The following EHBP1 variants were observed in gnomAD, a reference collection of about 807,000 sequenced individuals.
The protein encoded by EHBP1 is EH domain binding protein 1.
Under a neutral mutation model 144.0 loss-of-function variants are expected in EHBP1, and 55 were observed. The ratio of observed to expected loss-of-function variants is 0.38; its 90% confidence interval spans 0.31 to 0.48. The LOEUF is 0.48. Among genes scored for constraint, EHBP1 ranks in the 20% least tolerant of loss-of-function variants. The pLI is 0.98. For missense variants in EHBP1, 1,200 were observed against 1,364.2 expected (o/e 0.88, Z 1.90); for synonymous variants, 469 against 472.7 (o/e 0.99, Z 0.10).
intron 8 of EHBP1, among the ~76,000 whole-genome samples, chr2:62,862,160 A>G (rs2049613874): frequency 6.6e-6 from 1 of 152,174 alleles, no homozygotes. Flanking sequence ...GTATTGATTT[A>G]TTATGATTTT....
At chr2:62,847,455 C>T (rs1378617828) in intron 7 of EHBP1, among the ~76,000 whole-genome samples, 2 of 152,068 alleles carry the variant, frequency 1.3e-5, no homozygotes, top group Non-Finnish European at 2.9e-5. Flanking sequence ...AGGGTTTTAA[C>T]AGATGACACA....
rs1407170018 is a variant in EHBP1 at position 62,925,298 on chromosome 2, G to C, written c.1186-17420G>C. Reference sequence around the variant, plus strand: ...TTCTGTCAGAAGTGGAACAAGACAAGAGTGTCTACTCTTACCACTTCTATT... The same window carrying C: ...TTCTGTCAGAAGTGGAACAAGACAACAGTGTCTACTCTTACCACTTCTATT... On this transcript the variant is annotated intron_variant, in intron 10 of 22. Transcript: ENST00000431489. Among the ~76,000 whole-genome samples, 4 of 151,850 alleles carry C rather than the reference G, an allele frequency of 2.6e-5. No individual in the cohort carries two copies. The South Asian group carries it at 6.2e-4, about 24-fold the overall frequency.
chr2:62,712,370 G>C (rs1219793647), intron 2 of EHBP1, among the ~76,000 whole-genome samples: 1 of 152,002 alleles, frequency 6.6e-6, no homozygotes, highest in Non-Finnish European at 1.5e-5. Flanking sequence ...GAGGAGATGA[G>C]GTATGAAGTT....
intron 10 of EHBP1, among the ~76,000 whole-genome samples, chr2:62,918,410 A>G (rs1174476187): frequency 6.6e-6 from 1 of 152,150 alleles, no homozygotes; most frequent in Non-Finnish European, 1.5e-5. Flanking sequence ...GCAGATAATC[A>G]TACAGTATCC....
Position 62,682,026 on chromosome 2 carries a change from G to A in EHBP1, c.-296+7943G>A, listed in dbSNP as rs140244894. Among the ~76,000 whole-genome samples, 5 of 152,284 alleles carry A rather than the reference G, an allele frequency of 3.3e-5. No individual in the cohort carries two copies. In the East Asian group the frequency reaches 7.7e-4, roughly 24 times the overall value. On this transcript the variant is annotated intron_variant, in intron 1 of 22. Transcript: ENST00000405015. The stretch of plus-strand genomic sequence containing the variant: ...TGGTGCTCTAAAGTTAGAGGAGAGA[G>A]GCTGTGGCTCAGCACAAGGGAATAC...
intron 8 of EHBP1, among the ~76,000 whole-genome samples, chr2:62,863,840 G>GTTTTTTTTT (rs70962797): frequency 3.6e-5 from 3 of 82,762 alleles, no homozygotes; most frequent in Non-Finnish European, 6.4e-5. Flanking sequence ...TTTCTGTGTT[G>GTTTTTTTTT]TTTTTTTTTT....
intron 5 of EHBP1, among the ~76,000 whole-genome samples, chr2:62,817,678 G>C (rs1241034517): frequency 6.6e-6 from 1 of 152,158 alleles, no homozygotes; most frequent in Non-Finnish European, 1.5e-5. Context: ...AGCAAGATTA[G>C]TTTAAAGGGT....
chr2:62,890,415 T>C (rs2052363033), intron 10 of EHBP1, among the ~76,000 whole-genome samples: 1 of 152,218 alleles, frequency 6.6e-6, no homozygotes, highest in South Asian at 2.1e-4. Context: ...CTGATTTCTT[T>C]GAGCAATGTT....
At chr2:62,956,552 T>C (rs1392573216) in intron 14 of EHBP1, among the ~76,000 whole-genome samples, 2 of 152,034 alleles carry the variant, frequency 1.3e-5, no homozygotes, top group African/African-American at 4.8e-5. Context: ...TATTCCTGCA[T>C]TAAAAACCAC....
chr2:62,686,806 A>C (rs540291409), intron 1 of EHBP1, among the ~76,000 whole-genome samples: 1 of 152,392 alleles, frequency 6.6e-6, no homozygotes, highest in South Asian at 2.1e-4. Flanking sequence ...CAGCTGTATT[A>C]ACAGTGCAGT....
intron 19 of EHBP1, among the ~76,000 whole-genome samples, chr2:63,024,129 A>T (rs1182084065): frequency 1.3e-5 from 2 of 152,104 alleles, no homozygotes; most frequent in African/African-American, 4.8e-5. Flanking sequence ...GCGGATCATG[A>T]GGTCAGGAGT....
intron 1 of EHBP1, among the ~76,000 whole-genome samples, chr2:62,685,754 G>C (rs2033696981): frequency 6.6e-6 from 1 of 152,132 alleles, no homozygotes; most frequent in Admixed American, 6.5e-5. Flanking sequence ...TAGAATGCTA[G>C]AGCTAAATAT....
At chr2:62,883,590 A>G (rs929470869) in intron 10 of EHBP1, among the ~76,000 whole-genome samples, 11 of 152,326 alleles carry the variant, frequency 7.2e-5, no homozygotes, top group East Asian at 1.9e-4. Context: ...CTAGCCGTCT[A>G]TAGTCCCAGC....
intron 10 of EHBP1, among the ~76,000 whole-genome samples, chr2:62,875,787 C>T (rs562184387): frequency 1.1e-4 from 16 of 152,176 alleles, no homozygotes; most frequent in Admixed American, 6.5e-4. Flanking sequence ...TATGAAAGAA[C>T]CAAAATTATC....
chr2:62,842,696 T>C lies in EHBP1; in HGVS notation c.634+11538T>C. 1.3e-5 allele frequency among the ~76,000 whole-genome samples: 2 copies of C among 152,224 alleles called. 1 individual carries two copies. Among genetic ancestry groups the C allele is most frequent in the East Asian group, 3.8e-4 (2 of 5,198 alleles). ...ACTGAGTTTTTATAATTCCAGTGGG[T>C]TATTAATTGGATCTTTTTAGTTAGA... On this transcript the variant is annotated intron_variant, in intron 7 of 22. Transcript: ENST00000431489.
chr2:62,858,047 A>G (rs1171301826), intron 7 of EHBP1, among the ~76,000 whole-genome samples: 7 of 152,166 alleles, frequency 4.6e-5, no homozygotes, highest in African/African-American at 1.7e-4. Flanking sequence ...ATCAGAGTAT[A>G]TATATTTTGT....
At chr2:62,990,040 T>G (rs773879160) in intron 15 of EHBP1, among the ~76,000 whole-genome samples, 1 of 152,008 alleles carries the variant, frequency 6.6e-6, no homozygotes, top group Non-Finnish European at 1.5e-5. Flanking sequence ...TATTGAGGAG[T>G]TGCCTTTTAT....
intron 7 of EHBP1, among the ~76,000 whole-genome samples, chr2:62,858,215 TA>T (rs2049225880): frequency 2.6e-5 from 4 of 152,230 alleles, no homozygotes; most frequent in Admixed American, 2.6e-4. Context: ...CTTTCTATTT[TA>T]AAATATGAGT....
At chr2:62,838,708 A>G (rs1403839631) in intron 7 of EHBP1, among the ~76,000 whole-genome samples, 1 of 151,772 alleles carries the variant, frequency 6.6e-6, no homozygotes, top group African/African-American at 2.4e-5. Context: ...GAATACTACA[A>G]ACACCTCTAT....
Sources: gnomAD v4.1 joint callset for allele counts (sites outside exome capture counted in the v4.1 genomes callset) on GRCh38, gnomAD v4.1.1 for gene constraint, MANE v1.5 for transcripts, NCBI Gene and HGNC (gene_info 2026-07-23, HGNC 2026-07-21) for gene names.